PARD3B: variants seen among roughly 807,000 people sequenced by gnomAD.
PARD3B encodes the protein par-3 family cell polarity regulator beta, also known as partitioning defective 3 homolog B.
A neutral mutation model predicts 130.2 loss-of-function variants in PARD3B; 103 were observed. The ratio of observed to expected loss-of-function variants is 0.79; its 90% CI spans 0.67 to 0.93. The LOEUF is 0.93. PARD3B is among the 40% of genes least tolerant of loss of function. The pLI is 0.00. For synonymous variants in PARD3B, 583 were observed against 553.2 expected (o/e 1.05, Z -0.76); for missense variants, 1,609 against 1,499.2 (o/e 1.07, Z -1.21).
At chr2:205,018,119 A>C (rs575613057) in intron 3 of PARD3B, among the ~76,000 whole-genome samples, 1 of 152,288 alleles carries the variant, frequency 6.6e-6, no homozygotes, top group South Asian at 2.1e-4. Context: ...GGTGTGAGAC[A>C]CAGGTGTGAT....
At position 204,943,322 on chromosome 2, in the gene PARD3B, C is replaced by A. The variant is rs746453180; in HGVS notation, c.223-21830C>A. Among the ~76,000 whole-genome samples the A allele has an allele frequency of 1.6e-4, 25 of 152,144 alleles. No homozygotes were observed. The highest frequency in any genetic ancestry group is 3.1e-4 in the African/African-American group (13 of 41,518). ...GATCGCATAGGTCACGAGGATCTTC[C>A]TATGACCTATGATGAGAAAGAGGTT... On this transcript the variant is annotated intron_variant, in intron 2 of 22. Transcript: ENST00000406610. The surrounding 1 kb of genome is among the most constrained non-coding windows in gnomAD (Gnocchi z 4.2).
intron 3 of PARD3B, among the ~76,000 whole-genome samples, chr2:204,989,898 A>G (rs1331070403): frequency 6.6e-6 from 1 of 152,112 alleles, no homozygotes; most frequent in South Asian, 2.1e-4. Flanking sequence ...CCTTCTTCAC[A>G]TAGTCAATGA....
intron 2 of PARD3B, among the ~76,000 whole-genome samples, chr2:204,950,479 G>C (rs1207882775): frequency 6.6e-6 from 1 of 152,160 alleles, no homozygotes; most frequent in Non-Finnish European, 1.5e-5. Flanking sequence ...AAGAGTACCA[G>C]TAGATGCGAG....
At chr2:205,232,303 A>C (rs1036807766) in intron 15 of PARD3B, among the ~76,000 whole-genome samples, 2 of 152,058 alleles carry the variant, frequency 1.3e-5, no homozygotes, top group African/African-American at 4.8e-5. Context: ...GAGTGTAAAT[A>C]TTAGCCAAGC....
rs779976560 is a variant in PARD3B, at chr2:205,125,648, C to T, written c.1345C>T (p.Leu449Phe). The T allele has an allele frequency of 2.5e-6, 4 of 1,613,920 alleles. No individual in the cohort carries two copies. Among genetic ancestry groups the T allele is most frequent in the East Asian group, 2.2e-5 (1 of 44,864 alleles). The change falls in exon 10 of 23, where the codon CTT becomes TTT. Residue 449 changes from leucine to phenylalanine, a missense_variant. Leu to Phe is a conservative substitution (Grantham distance 22). Transcript: ENST00000406610. This position sits in a 1 kb window ranked among gnomAD's most constrained non-coding sequence, Gnocchi z 4.0. ...TGTCACCGGACGAACCCAGGAAGAGCTTGTGGCCATGCTCAGGAGCACCAA... is the reference window on the plus strand; with the variant it reads ...TGTCACCGGACGAACCCAGGAAGAGTTTGTGGCCATGCTCAGGAGCACCAA... ...RDVTGRTQEE[L>F]VAMLRSTKQG...
At chr2:205,162,454 T>C (rs1305593996) in intron 11 of PARD3B, among the ~76,000 whole-genome samples, 1 of 152,262 alleles carries the variant, frequency 6.6e-6, no homozygotes, top group Admixed American at 6.5e-5. Flanking sequence ...CTTAGAGTAT[T>C]GATGCCAATG....
chr2:204,595,728 A>G (rs116635012), intron 1 of PARD3B, among the ~76,000 whole-genome samples: 1 of 152,252 alleles, frequency 6.6e-6, no homozygotes, highest in Non-Finnish European at 1.5e-5. Flanking sequence ...GTAAAGCTGC[A>G]TGTATAAAAT....
intron 18 of PARD3B, among the ~76,000 whole-genome samples, chr2:205,375,767 A>G (rs751941861): frequency 7.2e-5 from 11 of 152,218 alleles, no homozygotes; most frequent in Non-Finnish European, 1.5e-4. Context: ...TTATGCTTTT[A>G]CTTGAATTTG....
chr2:205,230,003 G>T lies in PARD3B; in HGVS notation c.2141-15775G>T, dbSNP rs2125891307. 2.6e-5 allele frequency among the ~76,000 whole-genome samples: 4 copies of T among 151,972 alleles called. No homozygotes were observed. In the Middle Eastern group the frequency reaches 0.014, roughly 517 times the overall value. On this transcript the variant is annotated intron_variant, in intron 15 of 22. Transcript: ENST00000406610. This position sits in a 1 kb window ranked among gnomAD's most constrained non-coding sequence, Gnocchi z 4.1. ...TCTAAGGACTCTTCAGTCAGCTCAT[G>T]GTGAATGCTGCCAGGCCTGGGACTC...
intron 2 of PARD3B, among the ~76,000 whole-genome samples, chr2:204,931,757 T>G (rs761119502): frequency 4.6e-5 from 7 of 152,078 alleles, no homozygotes; most frequent in Admixed American, 3.9e-4. Context: ...CTCTTTGGGC[T>G]ACAAGTTACT....
intron 14 of PARD3B, among the ~76,000 whole-genome samples, chr2:205,190,264 T>A (rs1436922987): frequency 1.3e-5 from 2 of 152,186 alleles, no homozygotes; most frequent in African/African-American, 4.8e-5. Flanking sequence ...ACTAAGACAA[T>A]GAGTCAGGTT....
chr2:204,623,384 T>C lies in PARD3B; in HGVS notation c.121-62797T>C, dbSNP rs939726737. On this transcript the variant is annotated intron_variant, in intron 1 of 22. Coordinates refer to ENST00000406610, the MANE Select transcript of PARD3B (RefSeq NM_001302769.2). The surrounding 1 kb of genome is among the most constrained non-coding windows in gnomAD (Gnocchi z 4.5). ...AAGATAAGGAACTATTCTACCATAT[T>C]CTACCATCACAAAAACCTCCCTCGT... 1.3e-5 allele frequency among the ~76,000 whole-genome samples: 2 copies of C among 152,090 alleles called. No homozygotes were observed. Among genetic ancestry groups the C allele is most frequent in the South Asian group, 4.2e-4 (2 of 4,814 alleles).
At chr2:204,612,863 G>A (rs2033980574) in intron 1 of PARD3B, among the ~76,000 whole-genome samples, 1 of 151,364 alleles carries the variant, frequency 6.6e-6, no homozygotes, top group Admixed American at 6.6e-5. Flanking sequence ...CTTTTCAGGT[G>A]ATCTATGATA....
At chr2:205,053,227 A>G (rs1699355613) in intron 4 of PARD3B, among the ~76,000 whole-genome samples, 1 of 152,090 alleles carries the variant, frequency 6.6e-6, no homozygotes, top group African/African-American at 2.4e-5. Context: ...CCTCAGACCC[A>G]TGAAAGAAAT....
chr2:204,601,054 C>T (rs1254261569), intron 1 of PARD3B, among the ~76,000 whole-genome samples: 1 of 151,730 alleles, frequency 6.6e-6, no homozygotes, highest in Non-Finnish European at 1.5e-5. Flanking sequence ...TTCCTGGATA[C>T]GGACCTTAAG....
At position 205,268,395 on chromosome 2, in the gene PARD3B, C is replaced by T. The variant is rs1387020297; in HGVS notation, c.2185+22573C>T. Among the ~76,000 whole-genome samples the T allele has an allele frequency of 1.3e-5, 2 of 152,090 alleles. No homozygotes were observed. The highest frequency in any genetic ancestry group is 4.8e-5 in the African/African-American group (2 of 41,406). ...AATTGACTTTTTTCTTAACACTGAA[C>T]AAAAGAATTGTTAGAGGTTTGAGGT... On this transcript the variant is annotated intron_variant, in intron 16 of 22. Coordinates refer to ENST00000406610, the MANE Select transcript of PARD3B (RefSeq NM_001302769.2). The surrounding 1 kb of genome is among the most constrained non-coding windows in gnomAD (Gnocchi z 4.1).
chr2:205,300,430 C>A lies in PARD3B; in HGVS notation c.2186-100C>A. On this transcript the variant is annotated intron_variant, in intron 16 of 22. Transcript: ENST00000406610. The surrounding 1 kb of genome is among the most constrained non-coding windows in gnomAD (Gnocchi z 4.1). Reference sequence around the variant, plus strand: ...CCCCAACTCCCACCCACTTAACACCCCTTTTTTGGGATGTCCAGACAGAAA... The same window carrying A: ...CCCCAACTCCCACCCACTTAACACCACTTTTTTGGGATGTCCAGACAGAAA... The A allele has an allele frequency of 8.8e-7, 1 of 1,135,106 alleles. No homozygotes were observed. The highest frequency in any genetic ancestry group is 1.3e-6 in the Non-Finnish European group (1 of 769,442). 70.3% of individuals were successfully genotyped at this position (1,135,106 alleles called of 1,614,324 possible).
At chr2:205,285,885 G>A (rs1483637410) in intron 16 of PARD3B, among the ~76,000 whole-genome samples, 2 of 152,140 alleles carry the variant, frequency 1.3e-5, no homozygotes, top group African/African-American at 2.4e-5. Flanking sequence ...CTTTTGATGA[G>A]CTGAGTCCAC....
chr2:205,093,265 A>T (rs896274451), intron 4 of PARD3B, among the ~76,000 whole-genome samples: 2 of 151,882 alleles, frequency 1.3e-5, no homozygotes, highest in Admixed American at 1.3e-4. Context: ...TACCCAGTAA[A>T]CCCCTTGCAA....
Sources: gnomAD v4.1 joint callset for allele counts (sites outside exome capture counted in the v4.1 genomes callset) on GRCh38, gnomAD v4.1.1 for gene constraint, Gnocchi (gnomAD v3.1) non-coding constraint, MANE v1.5 for transcripts, NCBI Gene and HGNC (gene_info 2026-07-23, HGNC 2026-07-21) for gene names.